The following IL37 variants were observed in gnomAD, a reference collection of about 807,000 sequenced individuals.
IL37 encodes interleukin-37.
A neutral mutation model predicts 15.4 loss-of-function variants in IL37; 15 were observed. That is an observed-to-expected ratio of 0.98 (90% CI 0.65 to 1.50). The LOEUF (loss-of-function observed/expected upper bound fraction) is 1.50, where lower values mean the gene tolerates loss of function less well. Ranked by LOEUF, IL37 falls within the 40% of genes most tolerant of loss-of-function variation. The pLI, the probability that IL37 is intolerant of heterozygous loss-of-function variation, is 0.00. For synonymous variants in IL37, 98 were observed against 97.4 expected (o/e 1.01, Z -0.03); for missense variants, 269 against 261.7 (o/e 1.03, Z -0.19).
In IL37 at chr2:112,918,713, T is replaced by C; in HGVS notation, c.561T>C (p.Val187=). Residue 187 remains valine (V), a synonymous_variant, in exon 6 of 6, where the codon GTT becomes GTC. Coordinates refer to ENST00000263326, the MANE Select transcript of IL37 (RefSeq NM_014439.4). ...CCTCCTGCAATTGTAATGAGCCTGT[T>C]GGGGTGACAGATAAATTTGAGAACA... ...ICTSCNCNEP[V]GVTDKFENRK... 1 of 1,614,144 alleles carries C rather than the reference T, an allele frequency of 6.2e-7. No homozygotes were observed. The highest frequency in any genetic ancestry group is 8.5e-7 in the Non-Finnish European group (1 of 1,180,032).
intron 3 of IL37, 72 bp downstream of exon 3, chr2:112,913,926 T>C (rs2104974687): frequency 1.6e-6 from 2 of 1,244,712 alleles, no homozygotes; most frequent in Non-Finnish European, 2.4e-6. Flanking sequence ...AGCCATTGGG[T>C]CCTCTTACAG....
chr2:112,913,837 T>C lies in IL37; in HGVS notation c.128T>C (p.Met43Thr). The change falls in exon 3 of 6, where the codon ATG becomes ACG. Residue 43 changes from methionine to threonine, a missense_variant. By Grantham distance (81) the Met-to-Thr change is moderately conservative. Transcript: ENST00000263326. ...GAACCAGGCCCAAGCCTCCCCACCA[T>C]GAATTTTGTTCACACAAGTAAGGCC... is the stretch of plus-strand genomic sequence containing the variant. ...PLEPGPSLPT[M>T]NFVHTSPKVK... The C allele has an allele frequency of 1.2e-6, 2 of 1,613,370 alleles. No individual in the cohort carries two copies. Among genetic ancestry groups the C allele is most frequent in the Non-Finnish European group, 1.7e-6 (2 of 1,179,538 alleles).
intron 1 of IL37, among the ~76,000 whole-genome samples, chr2:112,911,966 A>G (rs1416006114): frequency 6.6e-6 from 1 of 152,158 alleles, no homozygotes; most frequent in Non-Finnish European, 1.5e-5. Context: ...CCCTGTTCCT[A>G]AAGACCCATC....
chr2:112,917,923 G>A, intron 5 of IL37, 146 bp downstream of exon 5: 1 of 818,068 alleles, frequency 1.2e-6, no homozygotes, highest in Non-Finnish European at 1.9e-6. Flanking sequence ...AGGCAGAAGA[G>A]CCCCATAACT....
At chr2:112,912,109 T>A (rs889834951) in intron 1 of IL37, among the ~76,000 whole-genome samples, 1 of 152,186 alleles carries the variant, frequency 6.6e-6, no homozygotes, top group Non-Finnish European at 1.5e-5. Context: ...AGGATTGGAT[T>A]TGTACACAAA....
intron 3 of IL37, among the ~76,000 whole-genome samples, chr2:112,914,974 C>T (rs138662655): frequency 6.6e-6 from 1 of 152,338 alleles, no homozygotes; most frequent in Non-Finnish European, 1.5e-5. Flanking sequence ...CTGAGAGCTA[C>T]TGCCCTACAG....
In IL37 at chr2:112,918,653, G is replaced by A; in HGVS notation, c.501G>A (p.Leu167=). 6.2e-7 allele frequency: 1 copy of A among 1,614,126 alleles called. No homozygotes were observed. Among genetic ancestry groups the A allele is most frequent in the African/African-American group, 1.3e-5 (1 of 75,026 alleles). The change falls in exon 6 of 6, where the codon CTG becomes CTA. Residue 167 remains leucine (L), a synonymous_variant. Transcript: ENST00000263326. ...CTCAGGTGGGCTCCTGGAACATGCT[G>A]GAGTCGGCGGCTCACCCCGGATGGT... ...YRAQVGSWNM[L]ESAAHPGWFI... is the part of the protein sequence containing the mutation.
intron 3 of IL37, chr2:112,915,142 C>A: frequency 6.5e-7 from 1 of 1,543,166 alleles, no homozygotes; most frequent in Non-Finnish European, 8.9e-7. Context: ...TGAGCGAGAA[C>A]ACCACTTAAG....
At chr2:112,915,071 G>A (rs1418627874) in intron 3 of IL37, 2 of 763,068 alleles carry the variant, frequency 2.6e-6, no homozygotes, top group Non-Finnish European at 4.3e-6. Context: ...ACAACTGCCA[G>A]CACCTTAAGA....
At position 112,918,642 on chromosome 2, in the gene IL37, T is replaced by C. The variant is rs2708947; in HGVS notation, c.490T>C (p.Trp164Arg). 0.078 allele frequency: 125,230 copies of C among 1,614,010 alleles called. 5,641 individuals are homozygous for C. The highest frequency in any genetic ancestry group is 0.17 in the African/African-American group (12,485 of 75,002). ...FIFYRAQVGS[W>R]NMLESAAHPG... ...CTTTTATAGGGCTCAGGTGGGCTCCTGGAACATGCTGGAGTCGGCGGCTCA... is the reference window on the plus strand; with the variant it reads ...CTTTTATAGGGCTCAGGTGGGCTCCCGGAACATGCTGGAGTCGGCGGCTCA... The change falls in exon 6 of 6, where the codon TGG (tryptophan) becomes CGG (arginine). Residue 164 changes from tryptophan to arginine, a missense_variant. Trp to Arg is a moderately radical substitution (Grantham distance 101, BLOSUM62 -3). Transcript: ENST00000263326.
rs775151709 is a variant in IL37 at position 112,917,659 on chromosome 2, C to T, written c.290C>T (p.Ser97Phe). The stretch of plus-strand genomic sequence containing the variant: ...GAGATCTTCTTTGCATTAGCCTCAT[C>T]CTTGAGCTCAGCCTCTGCGGAGAAA... ...RPEIFFALASSLSSASAEKGS... is the reference protein window; with the variant it reads ...RPEIFFALASFLSSASAEKGS... Residue 97 changes from serine to phenylalanine, a missense_variant, in exon 5 of 6, where the codon TCC becomes TTC. Transcript: ENST00000263326. 1.9e-6 allele frequency: 3 copies of T among 1,601,006 alleles called. No individual in the cohort carries two copies. Among genetic ancestry groups the T allele is most frequent in the Non-Finnish European group, 2.6e-6 (3 of 1,174,530 alleles).
At chr2:112,916,169 CAG>C (rs1683306344) in intron 3 of IL37, among the ~76,000 whole-genome samples, 1 of 152,240 alleles carries the variant, frequency 6.6e-6, no homozygotes, top group South Asian at 2.1e-4. Context: ...TTGCCTACCA[CAG>C]ATACCCATAT....
At position 112,918,661 on chromosome 2, in the gene IL37, C is replaced by G; in HGVS notation, c.509C>G (p.Ala170Gly). 1 of 1,614,072 alleles carries G rather than the reference C, an allele frequency of 6.2e-7. No homozygotes were observed. Among genetic ancestry groups the G allele is most frequent in the Non-Finnish European group, 8.5e-7 (1 of 1,180,010 alleles). Residue 170 changes from alanine (A) to glycine (G), a missense_variant, in exon 6 of 6, where the codon GCG becomes GGG. Physicochemically the swap from Ala to Gly is moderately conservative, Grantham distance 60 (BLOSUM62 0). Transcript: ENST00000263326. ...GGCTCCTGGAACATGCTGGAGTCGGCGGCTCACCCCGGATGGTTCATCTGC... is the reference window on the plus strand; with the variant it reads ...GGCTCCTGGAACATGCTGGAGTCGGGGGCTCACCCCGGATGGTTCATCTGC... ...QVGSWNMLES[A>G]AHPGWFICTS...
chr2:112,918,608 GC>G lies in IL37; in HGVS notation c.459del (p.Phe154SerfsTer36), dbSNP rs1226581160. Reference protein sequence around the residue: ...LAAQKESARRPFIFYRAQVGS... With the variant: ...LAAQKESARRXFIFYRAQVGS... ...CTGCCCAAAAGGAATCAGCACGCCG[GC>G]CCTTCATCTTTTATAGGGCTCAGGT... On this transcript the variant is annotated frameshift_variant, in exon 6 of 6. Coordinates refer to ENST00000263326, the MANE Select transcript of IL37 (RefSeq NM_014439.4). LOFTEE classifies it low-confidence loss of function (END_TRUNC). 1.2e-6 allele frequency: 2 copies of G among 1,613,434 alleles called. No individual in the cohort carries two copies. Among genetic ancestry groups the G allele is most frequent in the Non-Finnish European group, 1.7e-6 (2 of 1,179,972 alleles).
At chr2:112,915,077 T>A in intron 3 of IL37, 8 of 876,234 alleles carry the variant, frequency 9.1e-6, no homozygotes, top group Non-Finnish European at 1.4e-5. Context: ...GCCAGCACCT[T>A]AAGACCACTC....
chr2:112,917,095 T>C (rs1683328299), intron 3 of IL37, 34 bp from the exon 4 acceptor site: 3 of 1,609,244 alleles, frequency 1.9e-6, no homozygotes, highest in East Asian at 2.2e-5. Flanking sequence ...CCATTTTCAA[T>C]GTGAAGTGTT....
At chr2:112,916,269 T>C (rs1262964431) in intron 3 of IL37, among the ~76,000 whole-genome samples, 6 of 152,218 alleles carry the variant, frequency 3.9e-5, no homozygotes, top group Non-Finnish European at 1.5e-5. Flanking sequence ...TGACAGTCAC[T>C]GGCCCAGCCT....
chr2:112,916,127 A>G (rs1217461933), intron 3 of IL37, among the ~76,000 whole-genome samples: 1 of 152,216 alleles, frequency 6.6e-6, no homozygotes, highest in Non-Finnish European at 1.5e-5. Flanking sequence ...TGGGAAAAGA[A>G]TGACACCTTA....
chr2:112,914,030 G>A (rs1243094361), intron 3 of IL37, among the ~76,000 whole-genome samples, 176 bp downstream of exon 3: 1 of 152,144 alleles, frequency 6.6e-6, no homozygotes, highest in African/African-American at 2.4e-5. Context: ...AGATAACTCT[G>A]GGAAAGATGA....
Sources: allele counts gnomAD v4.1 joint callset (sites outside exome capture counted in the v4.1 genomes callset), GRCh38; gene constraint gnomAD v4.1.1; transcripts MANE v1.5; gene names NCBI Gene and HGNC (gene_info 2026-07-23, HGNC 2026-07-21).